LRRTM4: variants seen among roughly 807,000 people sequenced by gnomAD.
LRRTM4 encodes the protein leucine rich repeat transmembrane neuronal 4.
Under a neutral mutation model 47.6 loss-of-function variants are expected in LRRTM4, and 25 were observed. That is an observed-to-expected ratio of 0.53 (90% confidence interval 0.38 to 0.73). LRRTM4 has a LOEUF of 0.73. Ranked by LOEUF, LRRTM4 falls within the 30% of genes least tolerant of loss-of-function variation. The pLI is 0.00. For missense variants in LRRTM4, 638 were observed against 713.4 expected (o/e 0.89, Z 1.20); for synonymous variants, 311 against 269.5 (o/e 1.15, Z -1.51).
rs33978835 is a variant in LRRTM4 at position 77,385,741 on chromosome 2, C to CTTTTTT, written c.1551+132571_1551+132576dup. 1.3e-3 allele frequency among the ~76,000 whole-genome samples: 110 copies of CTTTTTT among 82,266 alleles called. 2 individuals are homozygous for CTTTTTT. Among genetic ancestry groups the CTTTTTT allele is most frequent in the Non-Finnish European group, 1.4e-3 (65 of 45,902 alleles). 54.0% of individuals were successfully genotyped at this position (82,266 alleles called of 152,430 possible). A position where few individuals can be genotyped will look rare whatever the true frequency, so the allele number is the denominator to read the frequency against. ...TAATATATTTATGTAGTACATGGTA[C>CTTTTTT]TTTTTTTTTTTTTTTTTTTTTTTTG... On this transcript the variant is annotated intron_variant, in intron 3 of 3. Coordinates refer to ENST00000409884, the MANE Select transcript of LRRTM4 (RefSeq NM_001134745.3).
At chr2:76,752,434 G>T (rs1672883266) in intron 3 of LRRTM4, among the ~76,000 whole-genome samples, 1 of 152,054 alleles carries the variant, frequency 6.6e-6, no homozygotes, top group African/African-American at 2.4e-5. Flanking sequence ...TATTACAATT[G>T]CAGTTTATTT....
chr2:77,011,531 TTGTGTGTG>T (rs56982328), intron 3 of LRRTM4, among the ~76,000 whole-genome samples: 2,866 of 144,086 alleles, frequency 0.02, 62 homozygotes, highest in African/African-American at 0.04. Flanking sequence ...GAAGAAGCAT[TTGTGTGTG>T]TGTGTGTGTG....
intron 3 of LRRTM4, among the ~76,000 whole-genome samples, chr2:77,418,026 A>C (rs1364937991): frequency 6.7e-6 from 1 of 149,538 alleles, no homozygotes; most frequent in Non-Finnish European, 1.5e-5. Context: ...GTCTTCAAAA[A>C]TTAGTTTAAT....
chr2:77,351,793 C>T (rs1017690005), intron 3 of LRRTM4, among the ~76,000 whole-genome samples: 3 of 151,726 alleles, frequency 2.0e-5, no homozygotes, highest in African/African-American at 7.3e-5. Flanking sequence ...AAATGAGGAA[C>T]AAAAAGATCA....
intron 3 of LRRTM4, among the ~76,000 whole-genome samples, chr2:77,447,937 G>C (rs1245482469): frequency 6.6e-6 from 1 of 152,084 alleles, no homozygotes; most frequent in Non-Finnish European, 1.5e-5. Context: ...CATTTTATTA[G>C]TACAGTTTAT....
chr2:77,511,043 T>C (rs1040955627), intron 3 of LRRTM4, among the ~76,000 whole-genome samples: 2 of 152,014 alleles, frequency 1.3e-5, no homozygotes, highest in South Asian at 4.1e-4. Flanking sequence ...CTGAATTCAG[T>C]AAACAAAGAG....
intron 3 of LRRTM4, among the ~76,000 whole-genome samples, chr2:76,931,568 T>C (rs1440097475): frequency 6.6e-6 from 1 of 152,130 alleles, no homozygotes; most frequent in African/African-American, 2.4e-5. Context: ...CTCCTAGTTG[T>C]CCTCCTACTG....
rs145652025 is a variant in LRRTM4, at chr2:77,274,608, G to A, written c.1551+243710C>T. Among the ~76,000 whole-genome samples, 300 of 152,118 alleles carry A rather than the reference G, an allele frequency of 2.0e-3. 2 individuals are homozygous for A. Among genetic ancestry groups the A allele is most frequent in the African/African-American group, 6.7e-3 (280 of 41,492 alleles). On this transcript the variant is annotated intron_variant, in intron 3 of 3. Transcript: ENST00000409884. The stretch of plus-strand genomic sequence containing the variant: ...AAAACCAAATGAGAATGTGTCAAAA[G>A]GTTTTGACTAAAAAATCCCAACAAC...
chr2:77,343,983 A>C (rs1209941751), intron 3 of LRRTM4, among the ~76,000 whole-genome samples: 1 of 151,870 alleles, frequency 6.6e-6, no homozygotes, highest in Non-Finnish European at 1.5e-5. Context: ...AAATAGAACG[A>C]AGGATACGAT....
At chr2:77,421,810 C>T (rs1674907283) in intron 3 of LRRTM4, among the ~76,000 whole-genome samples, 1 of 152,044 alleles carries the variant, frequency 6.6e-6, no homozygotes, top group Non-Finnish European at 1.5e-5. Context: ...TCAATAACAC[C>T]AGGGTTGAGA....
intron 3 of LRRTM4, among the ~76,000 whole-genome samples, chr2:76,982,852 G>C (rs1311406209): frequency 6.6e-6 from 1 of 152,082 alleles, no homozygotes; most frequent in African/African-American, 2.4e-5. Flanking sequence ...GCAAATAAGT[G>C]AAGTGAGGGG....
intron 3 of LRRTM4, among the ~76,000 whole-genome samples, chr2:77,207,383 A>T (rs1051762350): frequency 3.4e-5 from 5 of 146,718 alleles, no homozygotes; most frequent in African/African-American, 1.3e-4. Flanking sequence ...ACACACACAC[A>T]TATTTATATA....
intron 3 of LRRTM4, among the ~76,000 whole-genome samples, chr2:77,130,036 A>G (rs1302807493): frequency 2.0e-5 from 3 of 152,194 alleles, no homozygotes; most frequent in African/African-American, 7.2e-5. Flanking sequence ...GTCTTGTGAC[A>G]TACTAGGCTT....
intron 3 of LRRTM4, chr2:77,518,044 T>C (rs770962777): frequency 2.5e-6 from 3 of 1,177,686 alleles, no homozygotes; most frequent in African/African-American, 1.6e-5. Context: ...AACCCCTGTA[T>C]ACAAATTGTT....
chr2:77,449,497 C>T (rs1676175290), intron 3 of LRRTM4, among the ~76,000 whole-genome samples: 1 of 152,082 alleles, frequency 6.6e-6, no homozygotes, highest in Non-Finnish European at 1.5e-5. Context: ...TGGAATCTCC[C>T]ATCTCATGAG....
intron 3 of LRRTM4, among the ~76,000 whole-genome samples, chr2:77,224,331 A>G (rs1318463727): frequency 1.3e-5 from 2 of 152,214 alleles, no homozygotes. Flanking sequence ...CACCAGAAGC[A>G]ATGGCAACAA....
chr2:77,494,969 TA>T (rs1191737540), intron 3 of LRRTM4, among the ~76,000 whole-genome samples: 1 of 152,158 alleles, frequency 6.6e-6, no homozygotes, highest in Non-Finnish European at 1.5e-5. Flanking sequence ...TATGTTGTGA[TA>T]TCAACAGTGT....
At chr2:77,082,601 G>A (rs1680568055) in intron 3 of LRRTM4, among the ~76,000 whole-genome samples, 1 of 151,902 alleles carries the variant, frequency 6.6e-6, no homozygotes, top group South Asian at 2.1e-4. Context: ...TTAATAAAGT[G>A]AAAAACAGTA....
intron 3 of LRRTM4, among the ~76,000 whole-genome samples, chr2:77,393,497 A>G (rs1414806134): frequency 6.6e-6 from 1 of 151,982 alleles, no homozygotes; most frequent in Non-Finnish European, 1.5e-5. Context: ...CGGGAGTTTA[A>G]TTTTCACCAA....
Sources: gnomAD v4.1 joint callset for allele counts (sites outside exome capture counted in the v4.1 genomes callset) on GRCh38, gnomAD v4.1.1 for gene constraint, MANE v1.5 for transcripts, NCBI Gene and HGNC (gene_info 2026-07-23, HGNC 2026-07-21) for gene names.